The following TMEFF2 variants were observed in gnomAD, a reference collection of about 807,000 sequenced individuals.
The protein encoded by TMEFF2 is tomoregulin-2.
TMEFF2 carries 28 observed loss-of-function variants against 53.8 expected under a neutral mutation model. The ratio of observed to expected loss-of-function variants is 0.52; its 90% CI spans 0.39 to 0.71. The LOEUF (loss-of-function observed/expected upper bound fraction) is 0.71, where lower values mean the gene tolerates loss of function less well. Ranked by LOEUF, TMEFF2 falls within the 30% of genes least tolerant of loss-of-function variation. TMEFF2 has a pLI of 0.00. For missense variants in TMEFF2, 353 were observed against 455.2 expected, an observed-to-expected ratio of 0.78 and a Z score of 2.04; for synonymous variants, 162 against 166.3, an observed-to-expected ratio of 0.97 and a Z score of 0.20.
intron 4 of TMEFF2, among the ~76,000 whole-genome samples, chr2:192,064,233 A>G (rs1046749124): frequency 6.6e-6 from 1 of 151,802 alleles, no homozygotes; most frequent in Non-Finnish European, 1.5e-5. Context: ...GGATTACAAT[A>G]TGTATCTTTA....
chr2:192,007,792 G>A (rs1686534763), intron 5 of TMEFF2, among the ~76,000 whole-genome samples: 1 of 152,132 alleles, frequency 6.6e-6, no homozygotes, highest in Non-Finnish European at 1.5e-5. Context: ...CTGCTGTTAG[G>A]TATAGAGACA....
chr2:191,990,687 C>T (rs1011950378), intron 7 of TMEFF2, among the ~76,000 whole-genome samples: 5 of 149,594 alleles, frequency 3.3e-5, no homozygotes, highest in Admixed American at 6.7e-5. Flanking sequence ...TTTTTCTCTT[C>T]GTCTTCCATG....
intron 4 of TMEFF2, among the ~76,000 whole-genome samples, chr2:192,151,899 T>C (rs1414118194): frequency 6.6e-6 from 1 of 151,500 alleles, no homozygotes; most frequent in Non-Finnish European, 1.5e-5. Flanking sequence ...CAAAAGAGAG[T>C]TGGGCTGCAG....
At chr2:192,168,181 A>C (rs939563530) in intron 4 of TMEFF2, among the ~76,000 whole-genome samples, 18 of 152,168 alleles carry the variant, frequency 1.2e-4, no homozygotes, top group Non-Finnish European at 2.5e-4. Context: ...TGCTCACAAA[A>C]GTAAGAGACT....
At chr2:192,059,813 A>C (rs1380708972) in intron 4 of TMEFF2, among the ~76,000 whole-genome samples, 2 of 152,188 alleles carry the variant, frequency 1.3e-5, no homozygotes, top group Admixed American at 6.5e-5. Context: ...AATTCAAAAG[A>C]AGCAGTAGGA....
At chr2:191,975,138 A>AT (rs1685682989) in intron 7 of TMEFF2, among the ~76,000 whole-genome samples, 3 of 151,552 alleles carry the variant, frequency 2.0e-5, no homozygotes. Flanking sequence ...TAATTAAAAA[A>AT]ATATATAGGA....
At chr2:192,108,055 G>A (rs1345832987) in intron 4 of TMEFF2, among the ~76,000 whole-genome samples, 3 of 151,538 alleles carry the variant, frequency 2.0e-5, no homozygotes, top group Admixed American at 6.6e-5. Context: ...AGAAAAAAGT[G>A]TAACCAGATA....
intron 5 of TMEFF2, among the ~76,000 whole-genome samples, chr2:192,034,143 C>G (rs899441015): frequency 4.7e-5 from 7 of 147,504 alleles, no homozygotes; most frequent in African/African-American, 1.8e-4. Context: ...CCACTGCACT[C>G]CAGCCTGGGT....
Position 191,979,857 on chromosome 2 carries a change from G to GATCTATCTATCT in TMEFF2, c.745+18393_745+18404dup, listed in dbSNP as rs535953153. Among the ~76,000 whole-genome samples the GATCTATCTATCT allele has an allele frequency of 6.9e-3, 1,044 of 150,718 alleles. 9 individuals carry two copies. The highest frequency in any genetic ancestry group is 0.024 in the African/African-American group (974 of 41,082). On this transcript the variant is annotated intron_variant, in intron 7 of 9. Coordinates refer to ENST00000272771, the MANE Select transcript of TMEFF2 (RefSeq NM_016192.4). ...CTATATATATCTCTATCTATCTATC[G>GATCTATCTATCT]ATCTATCTATCTATCTATATGTTTT...
chr2:192,016,244 T>C (rs1459528270), intron 5 of TMEFF2, among the ~76,000 whole-genome samples: 1 of 152,178 alleles, frequency 6.6e-6, no homozygotes, highest in African/African-American at 2.4e-5. Context: ...GGGAGCTGAA[T>C]GGGATGATTT....
chr2:192,084,227 A>AT (rs1422535755), intron 4 of TMEFF2, among the ~76,000 whole-genome samples: 2 of 152,058 alleles, frequency 1.3e-5, no homozygotes, highest in African/African-American at 4.8e-5. Flanking sequence ...TGGAAGGCTG[A>AT]TTTTTTTGCT....
intron 7 of TMEFF2, among the ~76,000 whole-genome samples, chr2:191,964,393 TC>T (rs1692399999): frequency 3.7e-5 from 1 of 27,066 alleles, no homozygotes; most frequent in African/African-American, 1.2e-4. Context: ...TTTCTTTCTT[TC>T]TTTCTCTTTC....
chr2:191,960,167 C>G (rs1413453118), intron 7 of TMEFF2, among the ~76,000 whole-genome samples: 1 of 152,112 alleles, frequency 6.6e-6, no homozygotes, highest in Admixed American at 6.5e-5. Context: ...GTCACTACAC[C>G]CAGCCCAAGT....
At chr2:192,068,822 T>C (rs1320993368) in intron 4 of TMEFF2, among the ~76,000 whole-genome samples, 1 of 151,800 alleles carries the variant, frequency 6.6e-6, no homozygotes, top group Non-Finnish European at 1.5e-5. Flanking sequence ...TTGGTATAAA[T>C]AGACCAATGA....
chr2:192,128,683 T>C (rs1466376612), intron 4 of TMEFF2, among the ~76,000 whole-genome samples: 1 of 152,210 alleles, frequency 6.6e-6, no homozygotes. Context: ...AGGTATAATA[T>C]GTTAATCTTT....
At chr2:192,153,874 C>A (rs1310142242) in intron 4 of TMEFF2, among the ~76,000 whole-genome samples, 1 of 151,838 alleles carries the variant, frequency 6.6e-6, no homozygotes, top group Non-Finnish European at 1.5e-5. Context: ...ATGGCTGGCA[C>A]AGGTTCAATC....
chr2:192,106,816 T>C (rs906765157), intron 4 of TMEFF2, among the ~76,000 whole-genome samples: 31 of 151,756 alleles, frequency 2.0e-4, no homozygotes, highest in African/African-American at 7.0e-4. Context: ...AATACATCAA[T>C]AGTGGCAAAA....
chr2:191,950,172 T>C lies in TMEFF2; in HGVS notation c.*139A>G, dbSNP rs1691827381. On this transcript the variant is annotated 3_prime_UTR_variant, in exon 10 of 10. Transcript: ENST00000272771. ...ATCCATACATAATCAAATATAGCTG[T>C]AGTACATGTTTTCATTGGTGTAGAT... 2 of 1,470,662 alleles carry C rather than the reference T, an allele frequency of 1.4e-6. No individual in the cohort carries two copies. Among genetic ancestry groups the C allele is most frequent in the South Asian group, 3.0e-5 (2 of 67,324 alleles). 91.1% of individuals were successfully genotyped at this position (1,470,662 alleles called of 1,614,324 possible).
chr2:192,183,013 A>G (rs1691224398), intron 3 of TMEFF2, among the ~76,000 whole-genome samples: 1 of 151,846 alleles, frequency 6.6e-6, no homozygotes, highest in African/African-American at 2.4e-5. Context: ...TTTATTCATG[A>G]CTTGTCACTC....
Sources: gnomAD v4.1 joint callset for allele counts (sites outside exome capture counted in the v4.1 genomes callset) on GRCh38, gnomAD v4.1.1 for gene constraint, MANE v1.5 for transcripts, NCBI Gene and HGNC (gene_info 2026-07-23, HGNC 2026-07-21) for gene names.